The following PAPSS1 variants were observed in gnomAD, a reference collection of about 807,000 sequenced individuals.
PAPSS1 encodes bifunctional 3'-phosphoadenosine 5'-phosphosulfate synthase 1.
PAPSS1 carries 50 observed loss-of-function variants against 72.0 expected under a neutral mutation model. That is an observed-to-expected ratio of 0.69 (90% CI 0.55 to 0.88). PAPSS1 has a LOEUF of 0.88. PAPSS1 is among the 40% of genes least tolerant of loss of function. The pLI, the probability that PAPSS1 is intolerant of heterozygous loss-of-function variation, is 0.00. For synonymous variants in PAPSS1, 261 were observed against 263.6 expected (o/e 0.99, Z 0.09); for missense variants, 657 against 782.2 (o/e 0.84, Z 1.91).
chr4:107,684,440 TG>T (rs1006486570), intron 4 of PAPSS1, among the ~76,000 whole-genome samples: 20 of 152,300 alleles, frequency 1.3e-4, no homozygotes, highest in African/African-American at 4.8e-4. Flanking sequence ...CTGTTCTTTG[TG>T]GGGGAAAATT....
chr4:107,690,310 C>A (rs976119699), intron 3 of PAPSS1, among the ~76,000 whole-genome samples: 1 of 152,290 alleles, frequency 6.6e-6, no homozygotes, highest in Admixed American at 6.5e-5. Flanking sequence ...ACCAACCTAC[C>A]TACAGTTCCC....
chr4:107,655,708 T>C (rs942834931), intron 7 of PAPSS1, among the ~76,000 whole-genome samples: 2 of 152,220 alleles, frequency 1.3e-5, no homozygotes, highest in African/African-American at 4.8e-5. Flanking sequence ...AGAGTAATGA[T>C]AACTGCTTGG....
intron 10 of PAPSS1, among the ~76,000 whole-genome samples, chr4:107,644,592 G>A (rs976153596): frequency 1.3e-5 from 2 of 152,202 alleles, no homozygotes; most frequent in Admixed American, 6.5e-5. Flanking sequence ...AGACCCAGAA[G>A]AGCAAGTGAA....
intron 2 of PAPSS1, among the ~76,000 whole-genome samples, chr4:107,699,396 A>G (rs907164111): frequency 6.6e-6 from 1 of 152,212 alleles, no homozygotes; most frequent in African/African-American, 2.4e-5. Context: ...TGGCATTAAC[A>G]GAGGAACAGA....
intron 4 of PAPSS1, among the ~76,000 whole-genome samples, chr4:107,685,105 C>T (rs1272914391): frequency 6.6e-5 from 10 of 152,058 alleles, no homozygotes; most frequent in Admixed American, 6.6e-4. Context: ...GGGGTTTCAC[C>T]GTGTTAGCGA....
intron 9 of PAPSS1, among the ~76,000 whole-genome samples, chr4:107,650,485 C>A (rs1341540342): frequency 2.6e-5 from 4 of 152,144 alleles, no homozygotes; most frequent in Admixed American, 1.3e-4. Flanking sequence ...ACCCTTTCAA[C>A]AGTGCCAACA....
rs1355354796 is a variant in PAPSS1, at chr4:107,648,749, A to G, written c.1238-3679T>C. 2.6e-5 allele frequency among the ~76,000 whole-genome samples: 4 copies of G among 152,190 alleles called. No individual in the cohort carries two copies. The South Asian group carries it at 8.3e-4, about 31-fold the overall frequency. The stretch of plus-strand genomic sequence containing the variant: ...ACAAGACAATGGTTCTAGGGTTACT[A>G]GAGTTGTGTGTGTGCTTAATGTTTG... On this transcript the variant is annotated intron_variant, in intron 9 of 11. Transcript: ENST00000265174.
At chr4:107,713,073 A>G (rs1723536807) in intron 1 of PAPSS1, among the ~76,000 whole-genome samples, 1 of 151,790 alleles carries the variant, frequency 6.6e-6, no homozygotes, top group Non-Finnish European at 1.5e-5. Context: ...CAGCCTCCTG[A>G]GTAGCTGGGA....
At chr4:107,660,204 T>C in intron 5 of PAPSS1, 132 bp from the exon 6 acceptor site, 1 of 567,392 alleles carries the variant, frequency 1.8e-6, no homozygotes, top group Non-Finnish European at 3.1e-6. Context: ...GAGTGCTATG[T>C]TCCCCTCAAC....
At chr4:107,614,824 T>C (rs1357293808) in intron 11 of PAPSS1, among the ~76,000 whole-genome samples, 1 of 152,190 alleles carries the variant, frequency 6.6e-6, no homozygotes, top group East Asian at 1.9e-4. Context: ...ACTATACTAC[T>C]TTATCACATG....
At chr4:107,718,581 A>T (rs1723694992) in intron 1 of PAPSS1, among the ~76,000 whole-genome samples, 1 of 152,168 alleles carries the variant, frequency 6.6e-6, no homozygotes, top group Admixed American at 6.6e-5. Flanking sequence ...CATATTCACC[A>T]CTTGGCAAAT....
intron 11 of PAPSS1, among the ~76,000 whole-genome samples, chr4:107,621,606 A>ATTTTTTTTTTTTTTTTTTT (rs1382723816): frequency 4.0e-5 from 2 of 50,508 alleles, no homozygotes; most frequent in Non-Finnish European, 8.6e-5. Flanking sequence ...CAGGTTTTTT[A>ATTTTTTTTTTTTTTTTTTT]TCTTTTTTTT....
At chr4:107,679,771 C>A (rs555155853) in intron 5 of PAPSS1, among the ~76,000 whole-genome samples, 2 of 151,740 alleles carry the variant, frequency 1.3e-5, no homozygotes, top group East Asian at 1.9e-4. Context: ...TTCCACCCCC[C>A]CAGATTCAAG....
intron 1 of PAPSS1, chr4:107,719,774 CAGGTTTCAGCACCCGG>C (rs1475540857): frequency 8.8e-7 from 1 of 1,138,820 alleles, no homozygotes; most frequent in African/African-American, 1.7e-5. Context: ...TCTGCAGCCG[CAGGTTTCAGCACCCGG>C]AGGTTTCAGC....
chr4:107,628,910 A>G (rs1726163947), intron 11 of PAPSS1, among the ~76,000 whole-genome samples: 3 of 152,234 alleles, frequency 2.0e-5, no homozygotes, highest in Admixed American at 2.0e-4. Flanking sequence ...TTACAGCTTC[A>G]CACTACCACT....
At chr4:107,644,311 ACT>A (rs1578394138) in intron 10 of PAPSS1, among the ~76,000 whole-genome samples, 1 of 152,060 alleles carries the variant, frequency 6.6e-6, no homozygotes, top group Admixed American at 6.6e-5. Context: ...AGGTCAAAAG[ACT>A]CTCATTCCAG....
intron 11 of PAPSS1, among the ~76,000 whole-genome samples, chr4:107,624,522 T>C (rs1489212007): frequency 6.6e-6 from 1 of 152,150 alleles, no homozygotes; most frequent in Non-Finnish European, 1.5e-5. Flanking sequence ...AAATGAATAA[T>C]GCAAAGTAAA....
intron 11 of PAPSS1, among the ~76,000 whole-genome samples, chr4:107,625,853 G>GT (rs1299974235): frequency 2.6e-5 from 4 of 152,218 alleles, no homozygotes; most frequent in South Asian, 4.1e-4. Context: ...CAGTTAGAGT[G>GT]TTTTTTAAAA....
At chr4:107,620,110 C>G (rs1725917209) in intron 11 of PAPSS1, among the ~76,000 whole-genome samples, 1 of 152,176 alleles carries the variant, frequency 6.6e-6, no homozygotes, top group Non-Finnish European at 1.5e-5. Flanking sequence ...GATGGCCCTT[C>G]AAGTATATCT....
Sources: gnomAD v4.1 joint callset for allele counts (sites outside exome capture counted in the v4.1 genomes callset) on GRCh38, gnomAD v4.1.1 for gene constraint, MANE v1.5 for transcripts, NCBI Gene and HGNC (gene_info 2026-07-23, HGNC 2026-07-21) for gene names.